The following CSMD3 variants were observed in gnomAD, a reference collection of about 807,000 sequenced individuals.
The protein encoded by CSMD3 is CUB and Sushi multiple domains 3, also known as CUB and sushi domain-containing protein 3.
CSMD3 carries 177 observed loss-of-function variants against 435.2 expected under a neutral mutation model. The ratio of observed to expected loss-of-function variants is 0.41; its 90% CI spans 0.36 to 0.46. The LOEUF (loss-of-function observed/expected upper bound fraction) is 0.46. Ranked by LOEUF, CSMD3 falls within the 20% of genes least tolerant of loss-of-function variation. CSMD3 has a pLI of 0.34. For synonymous variants in CSMD3, 1,656 were observed against 1,520.5 expected, an observed-to-expected ratio of 1.09 and a Z score of -2.07; for missense variants, 4,265 against 4,504.6, an observed-to-expected ratio of 0.95 and a Z score of 1.52.
chr8:112,789,118 C>T (rs1029850067), intron 13 of CSMD3, among the ~76,000 whole-genome samples: 2 of 151,918 alleles, frequency 1.3e-5, no homozygotes, highest in African/African-American at 4.8e-5. Context: ...TCAAAAGATA[C>T]AAAAATGTGA....
At chr8:112,728,628 T>G (rs2132001242) in intron 13 of CSMD3, among the ~76,000 whole-genome samples, 1 of 152,086 alleles carries the variant, frequency 6.6e-6, no homozygotes. Flanking sequence ...CCTCCCATAA[T>G]GTATTTTGCC....
At chr8:112,506,011 T>G (rs1253823255) in intron 29 of CSMD3, among the ~76,000 whole-genome samples, 1 of 152,116 alleles carries the variant, frequency 6.6e-6, no homozygotes, top group Non-Finnish European at 1.5e-5. Flanking sequence ...CGTATTGATG[T>G]TTCCTCAATT....
At chr8:113,068,675 A>C (rs1564277242) in intron 5 of CSMD3, among the ~76,000 whole-genome samples, 1 of 152,130 alleles carries the variant, frequency 6.6e-6, no homozygotes, top group Admixed American at 6.6e-5. Context: ...TGTACCAGAA[A>C]AGCTCCCTAT....
At chr8:113,407,813 T>C (rs1471187875) in intron 1 of CSMD3, among the ~76,000 whole-genome samples, 1 of 152,156 alleles carries the variant, frequency 6.6e-6, no homozygotes, top group East Asian at 1.9e-4. Context: ...GTAAGGAACA[T>C]TCAGGATATA....
intron 37 of CSMD3, among the ~76,000 whole-genome samples, chr8:112,382,082 C>G (rs920266259): frequency 2.0e-5 from 3 of 151,776 alleles, no homozygotes; most frequent in African/African-American, 7.3e-5. Flanking sequence ...AGTTGGAAAC[C>G]AGCCTAGGCA....
At chr8:113,268,982 A>G (rs2093495970) in intron 3 of CSMD3, among the ~76,000 whole-genome samples, 1 of 152,168 alleles carries the variant, frequency 6.6e-6, no homozygotes, top group African/African-American at 2.4e-5. Context: ...AAAAGCTATC[A>G]TGAATTTTAG....
At chr8:112,466,295 G>C (rs1817950801) in intron 32 of CSMD3, among the ~76,000 whole-genome samples, 1 of 151,976 alleles carries the variant, frequency 6.6e-6, no homozygotes, top group South Asian at 2.1e-4. Context: ...GCAAACAAAA[G>C]TAATCTAAAA....
chr8:112,523,280 C>G (rs1163294281), intron 27 of CSMD3, among the ~76,000 whole-genome samples: 1 of 151,906 alleles, frequency 6.6e-6, no homozygotes. Flanking sequence ...ATCTGTAAAA[C>G]TGGCCTAGGA....
chr8:113,280,025 C>G (rs1382514141), intron 2 of CSMD3, among the ~76,000 whole-genome samples: 1 of 151,950 alleles, frequency 6.6e-6, no homozygotes, highest in African/African-American at 2.4e-5. Context: ...CCCACTTGAT[C>G]ATGGTGGGTT....
chr8:112,400,390 AT>A (rs950795258), intron 35 of CSMD3, among the ~76,000 whole-genome samples: 15 of 152,290 alleles, frequency 9.8e-5, no homozygotes, highest in African/African-American at 3.6e-4. Flanking sequence ...AGGGGTTAGA[AT>A]TTTTACATAA....
At chr8:113,283,421 G>A (rs2093625908) in intron 2 of CSMD3, among the ~76,000 whole-genome samples, 1 of 151,982 alleles carries the variant, frequency 6.6e-6, no homozygotes, top group African/African-American at 2.4e-5. Flanking sequence ...AGTGGGCTAA[G>A]GGCATGAATA....
chr8:112,907,508 A>G (rs1226381082), intron 10 of CSMD3, among the ~76,000 whole-genome samples: 1 of 151,394 alleles, frequency 6.6e-6, no homozygotes, highest in Non-Finnish European at 1.5e-5. Flanking sequence ...TTATAGCATT[A>G]ATTACTTGTA....
chr8:112,273,675 G>A (rs569205832), intron 59 of CSMD3, among the ~76,000 whole-genome samples: 56 of 144,640 alleles, frequency 3.9e-4, no homozygotes, highest in Non-Finnish European at 5.8e-4. Flanking sequence ...GCAGTGAGCC[G>A]AGATCATGCC....
At chr8:113,324,275 T>C (rs1277259278) in intron 1 of CSMD3, among the ~76,000 whole-genome samples, 1 of 152,186 alleles carries the variant, frequency 6.6e-6, no homozygotes, top group East Asian at 1.9e-4. Flanking sequence ...CCAGGGCATG[T>C]TGGAAGACTT....
At chr8:112,494,501 TTCTTTCTTTCTTTCTTTC>T (rs1423397762) in intron 30 of CSMD3, among the ~76,000 whole-genome samples, 2 of 33,100 alleles carry the variant, frequency 6.0e-5, no homozygotes, top group Non-Finnish European at 1.6e-4. Context: ...TCTCCTTTCT[TTCTTTCTTTCTTTCTTTC>T]TTTCTTTCTT....
chr8:112,640,259 C>T (rs746503045), intron 20 of CSMD3, among the ~76,000 whole-genome samples: 11 of 152,078 alleles, frequency 7.2e-5, no homozygotes, highest in Non-Finnish European at 1.2e-4. Flanking sequence ...AAAATGGCTA[C>T]CACAGGGATC....
intron 27 of CSMD3, among the ~76,000 whole-genome samples, chr8:112,536,815 T>C (rs1287607946): frequency 6.6e-6 from 1 of 151,834 alleles, no homozygotes; most frequent in Non-Finnish European, 1.5e-5. Context: ...GTGGCACATA[T>C]ACACCATGGA....
intron 1 of CSMD3, among the ~76,000 whole-genome samples, chr8:113,380,361 A>G (rs2133101697): frequency 6.6e-6 from 1 of 152,316 alleles, no homozygotes; most frequent in African/African-American, 2.4e-5. Context: ...ACAATAGTCG[A>G]AAACTCCCTA....
At chr8:112,787,450 G>T in intron 13 of CSMD3, among the ~76,000 whole-genome samples, 1 of 152,044 alleles carries the variant, frequency 6.6e-6, no homozygotes. Context: ...GTACCCAAAA[G>T]AAAGAAAATC....
Sources: allele counts gnomAD v4.1 joint callset (sites outside exome capture counted in the v4.1 genomes callset), GRCh38; gene constraint gnomAD v4.1.1; transcripts MANE v1.5; gene names NCBI Gene and HGNC (gene_info 2026-07-23, HGNC 2026-07-21).